Variants in CASQ2 observed in about 807,000 individuals in gnomAD.
The protein encoded by CASQ2 is calsequestrin 2.
CASQ2 carries 49 observed loss-of-function variants against 46.5 expected under a neutral mutation model. The ratio of observed to expected loss-of-function variants is 1.05; its 90% CI spans 0.84 to 1.34. The LOEUF (loss-of-function observed/expected upper bound fraction) is 1.34, where lower values mean the gene tolerates loss of function less well. Ranked by LOEUF, CASQ2 falls within the 40% of genes most tolerant of loss-of-function variation. The pLI is 0.00. For missense variants in CASQ2, 486 were observed against 481.3 expected, an observed-to-expected ratio of 1.01 and a Z score of -0.09; for synonymous variants, 174 against 168.5, an observed-to-expected ratio of 1.03 and a Z score of -0.25.
intron 4 of CASQ2, among the ~76,000 whole-genome samples, chr1:115,735,900 G>A (rs752629700): frequency 4.6e-5 from 7 of 152,182 alleles, no homozygotes; most frequent in South Asian, 2.1e-4. Context: ...AGTGGCTCAC[G>A]CCTGTAATCC....
At chr1:115,704,203 T>C (rs1654296321) in intron 9 of CASQ2, among the ~76,000 whole-genome samples, 1 of 152,236 alleles carries the variant, frequency 6.6e-6, no homozygotes, top group Non-Finnish European at 1.5e-5. Flanking sequence ...CACAGTATCA[T>C]CAGTCATGAC....
rs151232156 is a variant in CASQ2 at position 115,725,658 on chromosome 1, C to T, written c.738-105G>A. 22 of 1,433,068 alleles carry T rather than the reference C, an allele frequency of 1.5e-5. No individual in the cohort carries two copies. The East Asian group carries it at 4.1e-4, about 27-fold the overall frequency. 88.8% of individuals were successfully genotyped at this position (1,433,068 alleles called of 1,614,324 possible). Reference sequence around the variant, plus strand: ...TTATGAAATGTAAAATGAGATGATGCTTCCTTTGCAAGGCAGGGAGAGCCC... The same window carrying T: ...TTATGAAATGTAAAATGAGATGATGTTTCCTTTGCAAGGCAGGGAGAGCCC... On this transcript the variant is annotated intron_variant, in intron 6 of 10. Transcript: ENST00000261448.
chr1:115,703,748 A>G (rs1482490526), intron 9 of CASQ2, among the ~76,000 whole-genome samples: 2 of 152,092 alleles, frequency 1.3e-5, no homozygotes, highest in Non-Finnish European at 1.5e-5. Context: ...TTGTCTCTAC[A>G]AGAAATTTTA....
At chr1:115,732,534 G>C (rs986703458) in intron 5 of CASQ2, among the ~76,000 whole-genome samples, 3 of 152,144 alleles carry the variant, frequency 2.0e-5, no homozygotes, top group Non-Finnish European at 4.4e-5. Context: ...TCCTGACGCA[G>C]TAGAAGGGGA....
At chr1:115,705,046 C>T (rs979228037) in intron 9 of CASQ2, 146 bp downstream of exon 9, 1 of 705,640 alleles carries the variant, frequency 1.4e-6, no homozygotes, top group South Asian at 1.5e-5. Flanking sequence ...TCAATACTGC[C>T]CCAAGGGCCA....
chr1:115,716,769 C>T (rs919557290), intron 8 of CASQ2, among the ~76,000 whole-genome samples: 1 of 152,222 alleles, frequency 6.6e-6, no homozygotes, highest in South Asian at 2.1e-4. Flanking sequence ...CTCTGGCCCA[C>T]TTCTCTTCAC....
chr1:115,761,394 CAA>C (rs1327405541), intron 1 of CASQ2, among the ~76,000 whole-genome samples: 1 of 16,476 alleles, frequency 6.1e-5, no homozygotes, highest in Non-Finnish European at 1.3e-4. Context: ...AAGACTCAGT[CAA>C]AAAAAAAAGA....
At chr1:115,703,280 T>A (rs2101054176) in intron 9 of CASQ2, among the ~76,000 whole-genome samples, 1 of 152,328 alleles carries the variant, frequency 6.6e-6, no homozygotes, top group Middle Eastern at 3.4e-3. Context: ...TGTGGCTGTT[T>A]TATAGTTTAT....
chr1:115,709,680 T>G (rs1244288492), intron 8 of CASQ2, among the ~76,000 whole-genome samples: 1 of 152,218 alleles, frequency 6.6e-6, no homozygotes, highest in Non-Finnish European at 1.5e-5. Context: ...TTGTCTCTGT[T>G]GAATATTTCC....
chr1:115,704,964 G>C (rs970326848), intron 9 of CASQ2, among the ~76,000 whole-genome samples: 5 of 152,208 alleles, frequency 3.3e-5, no homozygotes, highest in African/African-American at 9.6e-5. Context: ...GACCCCGAGG[G>C]TCAAGGGTTT....
At chr1:115,750,288 C>G (rs1379517194) in intron 1 of CASQ2, among the ~76,000 whole-genome samples, 1 of 152,148 alleles carries the variant, frequency 6.6e-6, no homozygotes, top group Non-Finnish European at 1.5e-5. Flanking sequence ...CTCCTGTTGA[C>G]GTACAACTGT....
intron 10 of CASQ2, 107 bp from the exon 11 acceptor site, chr1:115,701,533 A>C (rs2101052499): frequency 1.3e-6 from 1 of 758,168 alleles, no homozygotes; most frequent in Admixed American, 1.9e-5. Flanking sequence ...ACTCTCTTAC[A>C]CTTATTAGGA....
intron 4 of CASQ2, among the ~76,000 whole-genome samples, chr1:115,737,170 C>T (rs1204871833): frequency 6.6e-6 from 1 of 152,086 alleles, no homozygotes; most frequent in Non-Finnish European, 1.5e-5. Context: ...AATAAAATTG[C>T]CTAAAGAAGA....
chr1:115,746,342 T>C (rs896678509), intron 1 of CASQ2, among the ~76,000 whole-genome samples: 4 of 152,214 alleles, frequency 2.6e-5, no homozygotes, highest in African/African-American at 9.6e-5. Context: ...CTGAGATAAA[T>C]GTCTAATAGT....
At chr1:115,739,101 G>T (rs2101093224) in intron 3 of CASQ2, among the ~76,000 whole-genome samples, 5 of 113,562 alleles carry the variant, frequency 4.4e-5, no homozygotes, top group East Asian at 2.8e-4. Context: ...CCTTGTGTAT[G>T]TATAGCACAT....
chr1:115,702,362 T>C (rs923773844), intron 10 of CASQ2, among the ~76,000 whole-genome samples: 2 of 152,248 alleles, frequency 1.3e-5, no homozygotes, highest in African/African-American at 2.4e-5. Context: ...ATGAGATGTA[T>C]GGACTGAGAT....
At chr1:115,760,712 C>T (rs1008772185) in intron 1 of CASQ2, among the ~76,000 whole-genome samples, 7 of 152,152 alleles carry the variant, frequency 4.6e-5, no homozygotes, top group African/African-American at 1.4e-4. Context: ...GGATAAGACC[C>T]AGGAATCGGT....
In CASQ2 at chr1:115,725,542, C is replaced by T. The variant is rs187306418; in HGVS notation, c.749G>A (p.Arg250His). Reference sequence around the variant, plus strand: ...AAACATTTCTTCTGGGCGCAGGCGACGTAGAGTGGGTCTGGAAAAAAAAAA... The same window carrying T: ...AAACATTTCTTCTGGGCGCAGGCGATGTAGAGTGGGTCTGGAAAAAAAAAA... ...FVKEHQRPTL[R>H]RLRPEEMFET... Residue 250 changes from arginine (R) to histidine (H), a missense_variant, in exon 7 of 11, where the codon CGT becomes CAT. Transcript: ENST00000261448. 16 of 1,487,884 alleles carry T rather than the reference C, an allele frequency of 1.1e-5. No homozygotes were observed. The highest frequency in any genetic ancestry group is 2.0e-4 in the Middle Eastern group (1 of 4,942). The allele number at this position is 1,487,884 out of a possible 1,614,324, so 92.2% of individuals were successfully genotyped here.
intron 8 of CASQ2, 62 bp from the exon 9 acceptor site, chr1:115,705,354 G>T: frequency 9.2e-7 from 1 of 1,082,244 alleles, no homozygotes; most frequent in Non-Finnish European, 1.4e-6. Flanking sequence ...AATGTGGAGA[G>T]CAGAGTGTGA....
Sources: gnomAD v4.1 joint callset for allele counts (sites outside exome capture counted in the v4.1 genomes callset) on GRCh38, gnomAD v4.1.1 for gene constraint, MANE v1.5 for transcripts, NCBI Gene and HGNC (gene_info 2026-07-23, HGNC 2026-07-21) for gene names.